The following CADM2 variants were observed in gnomAD, a reference collection of about 807,000 sequenced individuals.
CADM2 encodes immunoglobulin superfamily member 4D.
Under a neutral mutation model 49.8 loss-of-function variants are expected in CADM2, and 12 were observed. The ratio of observed to expected loss-of-function variants is 0.24; its 90% CI spans 0.15 to 0.39. CADM2 has a LOEUF of 0.39. CADM2 is among the 10% of genes least tolerant of loss of function. The pLI is 1.00. For synonymous variants in CADM2, 214 were observed against 175.4 expected, an observed-to-expected ratio of 1.22 and a Z score of -1.74; for missense variants, 378 against 492.3, an observed-to-expected ratio of 0.77 and a Z score of 2.20.
At chr3:85,675,138 C>T (rs548607018) in intron 1 of CADM2, among the ~76,000 whole-genome samples, 3 of 152,180 alleles carry the variant, frequency 2.0e-5, no homozygotes, top group Admixed American at 6.5e-5. Flanking sequence ...ACAAAGTATC[C>T]GTGTGCCACT....
intron 1 of CADM2, among the ~76,000 whole-genome samples, chr3:85,431,358 T>C (rs2036654305): frequency 6.6e-6 from 1 of 152,154 alleles, no homozygotes; most frequent in Admixed American, 6.6e-5. Flanking sequence ...GCCTAATAAA[T>C]ACGAGCTAAA....
chr3:85,097,064 A>G (rs1280440104), intron 1 of CADM2, among the ~76,000 whole-genome samples: 1 of 152,078 alleles, frequency 6.6e-6, no homozygotes, highest in Admixed American at 6.6e-5. Flanking sequence ...TTTGTTACAT[A>G]TGTATACATG....
At chr3:85,790,121 T>A (rs2108026963) in intron 2 of CADM2, among the ~76,000 whole-genome samples, 1 of 152,232 alleles carries the variant, frequency 6.6e-6, no homozygotes, top group Admixed American at 6.5e-5. Context: ...ATTAGAAAAA[T>A]GTATTTTATA....
intron 7 of CADM2, among the ~76,000 whole-genome samples, chr3:85,959,066 A>T (rs201113961): frequency 9.4e-6 from 1 of 106,610 alleles, no homozygotes; most frequent in Non-Finnish European, 1.7e-5. Context: ...ATCTATATCT[A>T]TATATCTATA....
At chr3:85,240,434 A>G (rs997593449) in intron 1 of CADM2, among the ~76,000 whole-genome samples, 15 of 151,556 alleles carry the variant, frequency 9.9e-5, no homozygotes, top group Non-Finnish European at 2.2e-4. Context: ...CATAATGATT[A>G]TTGCTCATAA....
intron 2 of CADM2, among the ~76,000 whole-genome samples, chr3:85,756,665 A>G (rs1176402919): frequency 3.3e-5 from 5 of 152,138 alleles, no homozygotes; most frequent in Admixed American, 3.3e-4. Flanking sequence ...TATGTAACCT[A>G]TTTATGAGGT....
At chr3:85,859,045 T>G (rs901075716) in intron 3 of CADM2, among the ~76,000 whole-genome samples, 7 of 152,106 alleles carry the variant, frequency 4.6e-5, no homozygotes, top group Non-Finnish European at 8.8e-5. Context: ...TTGTGACATT[T>G]TTTACAAAAC....
intron 1 of CADM2, among the ~76,000 whole-genome samples, chr3:85,004,044 C>T (rs1291228968): frequency 6.6e-6 from 1 of 152,090 alleles, no homozygotes; most frequent in East Asian, 1.9e-4. Flanking sequence ...TTTTAAGAGG[C>T]TGTTGAGCTG....
At chr3:85,073,308 A>AGAT (rs946701257) in intron 1 of CADM2, among the ~76,000 whole-genome samples, 2 of 152,186 alleles carry the variant, frequency 1.3e-5, no homozygotes, top group Non-Finnish European at 2.9e-5. Context: ...CTTTTGCAGT[A>AGAT]GATGAACATA....
intron 2 of CADM2, among the ~76,000 whole-genome samples, chr3:85,768,163 C>T (rs1329917685): frequency 6.6e-6 from 1 of 151,912 alleles, no homozygotes; most frequent in Non-Finnish European, 1.5e-5. Context: ...ATATATTTTA[C>T]TGGCCGGGCG....
chr3:85,283,626 G>A lies in CADM2; in HGVS notation c.61+323958G>A, dbSNP rs549540575. Among the ~76,000 whole-genome samples, 7 of 152,100 alleles carry A rather than the reference G, an allele frequency of 4.6e-5. No individual in the cohort carries two copies. In the East Asian group the frequency reaches 7.7e-4, roughly 17 times the overall value. ...ATGCATTGGATAAATATTGTAATTT[G>A]TTTTTATTTTAGTTTTCATCAGTGC... On this transcript the variant is annotated intron_variant, in intron 1 of 9. Coordinates refer to ENST00000383699, the MANE Select transcript of CADM2 (RefSeq NM_001167675.2).
chr3:85,435,449 C>G (rs1281840885), intron 1 of CADM2, among the ~76,000 whole-genome samples: 1 of 152,126 alleles, frequency 6.6e-6, no homozygotes, highest in African/African-American at 2.4e-5. Context: ...CAAGTCTTTT[C>G]TATTGTGAAT....
At chr3:85,928,411 C>T (rs1720170237) in intron 6 of CADM2, among the ~76,000 whole-genome samples, 13 of 152,136 alleles carry the variant, frequency 8.5e-5, no homozygotes, top group Admixed American at 8.5e-4. Flanking sequence ...TCCACCTCGG[C>T]CTCCGAAAGT....
intron 1 of CADM2, among the ~76,000 whole-genome samples, chr3:85,693,469 A>G (rs1324830256): frequency 1.3e-5 from 2 of 149,838 alleles, no homozygotes; most frequent in African/African-American, 4.9e-5. Context: ...AGTCCCAGCA[A>G]CTCTGGAGGC....
chr3:85,329,402 C>G (rs2044849299), intron 1 of CADM2, among the ~76,000 whole-genome samples: 1 of 151,426 alleles, frequency 6.6e-6, no homozygotes, highest in South Asian at 2.1e-4. Flanking sequence ...GACACACACA[C>G]ACACACACAC....
intron 1 of CADM2, among the ~76,000 whole-genome samples, chr3:85,585,157 C>A (rs1434404438): frequency 6.6e-6 from 1 of 151,978 alleles, no homozygotes; most frequent in East Asian, 1.9e-4. Flanking sequence ...CTTGGTCCAG[C>A]ATATCCACTC....
intron 3 of CADM2, among the ~76,000 whole-genome samples, chr3:85,803,054 C>G (rs2072154228): frequency 6.6e-6 from 1 of 152,002 alleles, no homozygotes; most frequent in Non-Finnish European, 1.5e-5. Context: ...AAATCAGCTC[C>G]ATTTAAACAA....
intron 1 of CADM2, among the ~76,000 whole-genome samples, chr3:85,550,360 C>G (rs1354878078): frequency 6.6e-6 from 1 of 152,176 alleles, no homozygotes; most frequent in Non-Finnish European, 1.5e-5. Flanking sequence ...TGTCCATTTT[C>G]TATTGATGGA....
chr3:85,744,008 G>A (rs2068505325), intron 2 of CADM2, among the ~76,000 whole-genome samples: 1 of 152,148 alleles, frequency 6.6e-6, no homozygotes, highest in African/African-American at 2.4e-5. Flanking sequence ...TAGCCTCATA[G>A]AGCATATACT....
Sources: gnomAD v4.1 joint callset for allele counts (sites outside exome capture counted in the v4.1 genomes callset) on GRCh38, gnomAD v4.1.1 for gene constraint, MANE v1.5 for transcripts, NCBI Gene and HGNC (gene_info 2026-07-23, HGNC 2026-07-21) for gene names.